The following BICD1 variants were observed in gnomAD, a reference collection of about 807,000 sequenced individuals.
The protein encoded by BICD1 is BICD cargo adaptor 1.
BICD1 carries 35 observed loss-of-function variants against 92.5 expected under a neutral mutation model. The ratio of observed to expected loss-of-function variants is 0.38; its 90% confidence interval spans 0.29 to 0.50. The LOEUF (loss-of-function observed/expected upper bound fraction) is 0.50, where lower values mean the gene tolerates loss of function less well. BICD1 is among the 20% of genes least tolerant of loss of function. The pLI is 0.93. For synonymous variants in BICD1, 429 were observed against 465.1 expected (o/e 0.92, Z 1.00); for missense variants, 950 against 1,189.8 (o/e 0.80, Z 2.97).
At chr12:32,332,571 C>T (rs2136272504) in intron 5 of BICD1, 1 of 507,906 alleles carries the variant, frequency 2.0e-6, no homozygotes, top group Non-Finnish European at 2.5e-6. Context: ...CCAGAAGACT[C>T]AGCCTCCTGG....
intron 9 of BICD1, among the ~76,000 whole-genome samples, chr12:32,376,879 G>C (rs1485707616): frequency 3.1e-5 from 1 of 32,754 alleles, no homozygotes; most frequent in Non-Finnish European, 5.1e-5. Context: ...AAAAAAAAGG[G>C]GGGGGGGGGT....
At chr12:32,353,198 T>C (rs1488658138) in intron 8 of BICD1, 1 of 152,204 alleles carries the variant, frequency 6.6e-6, no homozygotes, top group Non-Finnish European at 1.5e-5. Context: ...ATCAAATACT[T>C]TTACATTAGG....
At chr12:32,229,135 C>T (rs1316241869) in intron 2 of BICD1, among the ~76,000 whole-genome samples, 2 of 152,120 alleles carry the variant, frequency 1.3e-5, no homozygotes, top group East Asian at 3.9e-4. Context: ...CCTATAATCC[C>T]AGCCACTCAG....
chr12:32,200,405 C>T (rs529109905), intron 1 of BICD1, among the ~76,000 whole-genome samples: 10 of 152,348 alleles, frequency 6.6e-5, no homozygotes, highest in African/African-American at 2.4e-4. Context: ...AAGCTCATGG[C>T]TCCCTCTCCT....
At chr12:32,353,249 G>C (rs1938962593) in intron 8 of BICD1, 2 of 152,022 alleles carry the variant, frequency 1.3e-5, no homozygotes, top group African/African-American at 4.8e-5. Context: ...CTTTGAAAAT[G>C]AATAAGCATC....
intron 1 of BICD1, chr12:32,108,353 G>C (rs533548084): frequency 3.1e-4 from 77 of 246,090 alleles, no homozygotes; most frequent in Non-Finnish European, 4.9e-4. Context: ...TTAGTTTTTT[G>C]GTATTTGGCC....
chr12:32,273,190 T>C (rs1947187127), intron 2 of BICD1, among the ~76,000 whole-genome samples: 1 of 152,222 alleles, frequency 6.6e-6, no homozygotes, highest in Admixed American at 6.5e-5. Context: ...GGACCTTGTC[T>C]TTTCAATGGT....
intron 8 of BICD1, chr12:32,353,086 C>A (rs1453854564): frequency 1.3e-5 from 2 of 151,954 alleles, no homozygotes; most frequent in Non-Finnish European, 2.9e-5. Context: ...TACTTGACAT[C>A]AAAAGCAAAA....
At chr12:32,366,915 G>C (rs1456544230) in intron 8 of BICD1, among the ~76,000 whole-genome samples, 2 of 152,198 alleles carry the variant, frequency 1.3e-5, no homozygotes, top group East Asian at 3.9e-4. Flanking sequence ...TACTTTCTTG[G>C]AGTAGATGAT....
chr12:32,107,659 T>A, intron 1 of BICD1, 115 bp downstream of exon 1: 2 of 1,132,112 alleles, frequency 1.8e-6, no homozygotes, highest in Non-Finnish European at 2.6e-6. Context: ...TTTTTTCTTC[T>A]AGGGCCCTTT....
At chr12:32,146,152 G>A (rs543553515) in intron 1 of BICD1, among the ~76,000 whole-genome samples, 32 of 152,232 alleles carry the variant, frequency 2.1e-4, no homozygotes, top group African/African-American at 6.0e-4. Flanking sequence ...TACTACCAGC[G>A]TTAAGTTGAC....
At chr12:32,340,026 T>G (rs1938303725) in intron 8 of BICD1, 5 of 929,464 alleles carry the variant, frequency 5.4e-6, no homozygotes, top group Non-Finnish European at 6.4e-6. Flanking sequence ...CCCAGCCTGC[T>G]ATCCTCATTT....
Position 32,374,734 on chromosome 12 carries a change from ATTTTTTTT to A in BICD1, c.2841-2789_2841-2782del, listed in dbSNP as rs1179747608. On this transcript the variant is annotated intron_variant, in intron 9 of 9. Transcript: ENST00000652176. The stretch of plus-strand genomic sequence containing the variant: ...AGGCATGTGCCACCACGCCCGGCTA[ATTTTTTTT>A]TTTTTTTTTTTTTTTTGTATTTTTA... Among the ~76,000 whole-genome samples the A allele has an allele frequency of 6.9e-3, 552 of 80,116 alleles. 4 individuals are homozygous for A. Among genetic ancestry groups the A allele is most frequent in the African/African-American group, 0.027 (496 of 18,294 alleles). The allele number at this position is 80,116 out of a possible 152,430, so 52.6% of individuals were successfully genotyped here. A position where few individuals can be genotyped will look rare whatever the true frequency, so the allele number is the denominator to read the frequency against.
intron 4 of BICD1, among the ~76,000 whole-genome samples, chr12:32,307,477 C>T (rs1166878991): frequency 2.6e-5 from 4 of 152,100 alleles, no homozygotes; most frequent in Non-Finnish European, 4.4e-5. Context: ...TGTGGAGCTC[C>T]GTGTAGATCT....
chr12:32,196,652 G>A (rs1296323597), intron 1 of BICD1, among the ~76,000 whole-genome samples: 1 of 152,210 alleles, frequency 6.6e-6, no homozygotes, highest in African/African-American at 2.4e-5. Context: ...ATATTAGTCA[G>A]AGTGTACAAA....
At chr12:32,343,814 C>T (rs892850394) in intron 8 of BICD1, among the ~76,000 whole-genome samples, 13 of 152,200 alleles carry the variant, frequency 8.5e-5, no homozygotes, top group African/African-American at 1.9e-4. Flanking sequence ...GCCTTAGATA[C>T]GTAATCACCC....
intron 4 of BICD1, among the ~76,000 whole-genome samples, chr12:32,311,144 G>A (rs930272297): frequency 1.3e-5 from 2 of 152,188 alleles, no homozygotes; most frequent in South Asian, 4.1e-4. Flanking sequence ...CAAGGTGGTC[G>A]GGGTACAGCT....
At chr12:32,231,304 G>A (rs930790989) in intron 2 of BICD1, among the ~76,000 whole-genome samples, 27 of 152,166 alleles carry the variant, frequency 1.8e-4, no homozygotes, top group South Asian at 1.0e-3. Context: ...GCAACATGGC[G>A]AAACTCTGTC....
chr12:32,279,902 C>T (rs914879555), intron 2 of BICD1, among the ~76,000 whole-genome samples: 50 of 152,268 alleles, frequency 3.3e-4, no homozygotes, highest in African/African-American at 1.2e-3. Context: ...AGTTCGAGAC[C>T]AGCCTGACTA....
Sources: allele counts gnomAD v4.1 joint callset (sites outside exome capture counted in the v4.1 genomes callset), GRCh38; gene constraint gnomAD v4.1.1; transcripts MANE v1.5; gene names NCBI Gene and HGNC (gene_info 2026-07-23, HGNC 2026-07-21).